The following IZUMO3 variants were observed in gnomAD, a reference collection of about 807,000 sequenced individuals.
The protein encoded by IZUMO3 is izumo sperm-egg fusion protein 3.
A neutral mutation model predicts 28.4 loss-of-function variants in IZUMO3; 36 were observed. That is an observed-to-expected ratio of 1.27 (90% CI 0.97 to 1.67). The LOEUF (loss-of-function observed/expected upper bound fraction) is 1.67, where lower values mean the gene tolerates loss of function less well. IZUMO3 is among the 40% of genes most tolerant of loss of function. The pLI, the probability that IZUMO3 is intolerant of heterozygous loss-of-function variation, is 0.00. For missense variants in IZUMO3, 387 were observed against 278.5 expected (o/e 1.39, Z -2.77); for synonymous variants, 126 against 99.2 (o/e 1.27, Z -1.61).
chr9:24,545,244 T>A lies in IZUMO3; in HGVS notation c.269A>T (p.Glu90Val). Reference protein sequence around the residue: ...VVKLRTWLKNEFYKLGNETWK... With the variant: ...VVKLRTWLKNVFYKLGNETWK... ...TGTTTCATTGCCCAGTTTATAAAAT[T>A]CATTCTTCAACCATGTTCTCAACTT... is the stretch of plus-strand genomic sequence containing the variant. The change falls in exon 2 of 7, where the codon GAA becomes GTA. Residue 90 changes from glutamate (E) to valine (V), a missense_variant. Physicochemically the swap from Glu to Val is moderately radical, Grantham distance 121. Transcript: ENST00000543880. 2 of 1,550,386 alleles carry A rather than the reference T, an allele frequency of 1.3e-6. No individual in the cohort carries two copies. Among genetic ancestry groups the A allele is most frequent in the Non-Finnish European group, 1.7e-6 (2 of 1,146,844 alleles).
chr9:24,545,765 T>C lies in IZUMO3; in HGVS notation c.-116A>G. On this transcript the variant is annotated 5_prime_UTR_variant, in exon 1 of 7. Transcript: ENST00000543880. ...CTGGTTCTGGATAGTCTGACTCCACTTTTCCCGCTGTTTCCATCCCACTAT... is the reference window on the plus strand; with the variant it reads ...CTGGTTCTGGATAGTCTGACTCCACCTTTCCCGCTGTTTCCATCCCACTAT... 1 of 1,533,654 alleles carries C rather than the reference T, an allele frequency of 6.5e-7. No individual in the cohort carries two copies. The highest frequency in any genetic ancestry group is 8.8e-7 in the Non-Finnish European group (1 of 1,140,442).
At position 24,545,424 on chromosome 9, in the gene IZUMO3, C is replaced by A. The variant is rs769472819; in HGVS notation, c.226G>T (p.Ala76Ser). 1.3e-6 allele frequency: 2 copies of A among 1,540,644 alleles called. No individual in the cohort carries two copies. Among genetic ancestry groups the A allele is most frequent in the Non-Finnish European group, 1.7e-6 (2 of 1,146,804 alleles). The part of the protein sequence containing the change: ...SHSDKRLRVL[A>S]VQQVVKLRTW... ...TCTCAGGAACTCAAGCTTCCCTCAC[C>A]CAACACCCGAAGCCTCTTGTCACTG... Residue 76 changes from alanine to serine, a missense_variant and splice_region_variant, in exon 1 of 7, where the codon GCT becomes TCT. Ala to Ser is a moderately conservative substitution (Grantham distance 99, BLOSUM62 1). Transcript: ENST00000543880.
At position 24,545,070 on chromosome 9, in the gene IZUMO3, G is replaced by C. The variant is rs1819558475; in HGVS notation, c.302-9C>G. 6.5e-7 allele frequency: 1 copy of C among 1,529,736 alleles called. No homozygotes were observed. Among genetic ancestry groups the C allele is most frequent in the Non-Finnish European group, 8.9e-7 (1 of 1,127,912 alleles). The allele number at this position is 1,529,736 out of a possible 1,614,324, so 94.8% of individuals were successfully genotyped here. On this transcript the variant is annotated splice_polypyrimidine_tract_variant and intron_variant, in intron 2 of 6. Transcript: ENST00000543880. ...TTGATAGATAAAGACACCTAAGAGG[G>C]AGTGGAAGGGGTGTCAAAAAATAGA...
intron 2 of IZUMO3, 30 bp downstream of exon 2, chr9:24,545,182 C>T (rs1430192705): frequency 2.6e-6 from 4 of 1,540,288 alleles, no homozygotes; most frequent in Non-Finnish European, 3.5e-6. Flanking sequence ...TTGAGCAATA[C>T]AAACTTTTAA....
intron 3 of IZUMO3, 27 bp downstream of exon 3, chr9:24,544,945 T>A (rs776625350): frequency 1.4e-6 from 2 of 1,467,362 alleles, no homozygotes; most frequent in Non-Finnish European, 1.9e-6. Flanking sequence ...ATAACTTCAG[T>A]GCTGTTATAT....
At chr9:24,545,402 C>G (rs1320343968) in intron 1 of IZUMO3, 22 bp downstream of exon 1, 10 of 1,543,894 alleles carry the variant, frequency 6.5e-6, no homozygotes, top group African/African-American at 1.4e-5. Flanking sequence ...CCTGGACTCT[C>G]AGGAACTCAA....
At position 24,545,300 on chromosome 9, in the gene IZUMO3, G is replaced by A; in HGVS notation, c.227-14C>T. On this transcript the variant is annotated splice_polypyrimidine_tract_variant and intron_variant, in intron 1 of 6. Transcript: ENST00000543880. ...CCTGCTGAACAGCTAGAGAGGGAGAGTAAAGGTACATGTAGGGGAATAATT... is the reference window on the plus strand; with the variant it reads ...CCTGCTGAACAGCTAGAGAGGGAGAATAAAGGTACATGTAGGGGAATAATT... The A allele has an allele frequency of 6.5e-7, 1 of 1,549,476 alleles. No individual in the cohort carries two copies. Among genetic ancestry groups the A allele is most frequent in the Non-Finnish European group, 8.7e-7 (1 of 1,146,078 alleles).
At chr9:24,544,117 A>C (rs541488203) in intron 5 of IZUMO3, 84 bp downstream of exon 5, 1 of 952,896 alleles carries the variant, frequency 1.0e-6, no homozygotes, top group East Asian at 2.6e-5. Context: ...TAGTGACCCA[A>C]CAAATACATG....
At chr9:24,544,024 CA>C (rs1482895797) in intron 5 of IZUMO3, among the ~76,000 whole-genome samples, 176 bp downstream of exon 5, 1 of 152,070 alleles carries the variant, frequency 6.6e-6, no homozygotes, top group Non-Finnish European at 1.5e-5. Context: ...GATTCAGTGC[CA>C]AATTATTTAT....
intron 4 of IZUMO3, 30 bp from the exon 5 acceptor site, chr9:24,544,311 A>T (rs1400761661): frequency 1.4e-6 from 2 of 1,477,068 alleles, no homozygotes; most frequent in East Asian, 4.9e-5. Context: ...AGATAATCAG[A>T]AAGAGGGCAT....
chr9:24,543,934 C>T (rs1465814071), intron 5 of IZUMO3, among the ~76,000 whole-genome samples, 180 bp from the exon 6 acceptor site: 2 of 152,116 alleles, frequency 1.3e-5, no homozygotes, highest in Non-Finnish European at 2.9e-5. Flanking sequence ...AAAACTGTTG[C>T]TGATAGCTGT....
At chr9:24,544,425 A>G in intron 4 of IZUMO3, 144 bp from the exon 5 acceptor site, 1 of 692,602 alleles carries the variant, frequency 1.4e-6, no homozygotes, top group South Asian at 1.8e-5. Context: ...TTCTCCTAGA[A>G]ATCAAGTTTC....
At chr9:24,543,615 G>A (rs1289360970) in intron 6 of IZUMO3, 49 bp downstream of exon 6, 1 of 1,348,806 alleles carries the variant, frequency 7.4e-7, no homozygotes, top group Non-Finnish European at 1.0e-6. Context: ...GCAGTCTCTT[G>A]GCAAAAGGAA....
At chr9:24,543,502 C>T in intron 6 of IZUMO3, 135 bp from the exon 7 acceptor site, 2 of 321,926 alleles carry the variant, frequency 6.2e-6, no homozygotes, top group Non-Finnish European at 8.4e-6. Flanking sequence ...CCTTTTGTTC[C>T]AACTATTATC....
In IZUMO3 at chr9:24,545,832, T is replaced by G. The variant is rs1221381487; in HGVS notation, c.-183A>C. On this transcript the variant is annotated 5_prime_UTR_variant, in exon 1 of 7. The change abolishes the stop of an existing upstream ORF in the 5' untranslated region. Transcript: ENST00000543880. Reference sequence around the variant, plus strand: ...GTTTAGTTTAATGATCTTTAGTTGTTTACTGACTATTATCCTTCATTCTAG... The same window carrying G: ...GTTTAGTTTAATGATCTTTAGTTGTGTACTGACTATTATCCTTCATTCTAG... 3 of 1,541,408 alleles carry G rather than the reference T, an allele frequency of 1.9e-6. No homozygotes were observed. Among genetic ancestry groups the G allele is most frequent in the Admixed American group, 4.0e-5 (2 of 50,456 alleles).
intron 5 of IZUMO3, among the ~76,000 whole-genome samples, 188 bp downstream of exon 5, chr9:24,544,013 T>C (rs903787613): frequency 1.1e-4 from 16 of 152,130 alleles, no homozygotes; most frequent in Admixed American, 6.6e-5. Context: ...GCCTTTCAGT[T>C]GATTCAGTGC....
At chr9:24,545,354 A>G (rs1454069032) in intron 1 of IZUMO3, 68 bp from the exon 2 acceptor site, 5 of 1,547,002 alleles carry the variant, frequency 3.2e-6, no homozygotes, top group Non-Finnish European at 4.4e-6. Context: ...ATGTAGACCC[A>G]GGTGTTCTCT....
chr9:24,545,097 G>A (rs900025884), intron 2 of IZUMO3, 36 bp from the exon 3 acceptor site: 2 of 1,481,118 alleles, frequency 1.4e-6, no homozygotes, highest in Admixed American at 3.9e-5. Context: ...AAAAATAGAA[G>A]TAGCTCTTCC....
chr9:24,543,188 T>C lies in IZUMO3; in HGVS notation c.*41A>G. ...CCAGTTTTGTACTTAGAGTCAACAC[T>C]TAAGAGAATCATGAAAGACTTCTTG... On this transcript the variant is annotated 3_prime_UTR_variant, in exon 7 of 7. Transcript: ENST00000543880. 2.7e-6 allele frequency: 4 copies of C among 1,504,006 alleles called. No homozygotes were observed. The highest frequency in any genetic ancestry group is 3.6e-6 in the Non-Finnish European group (4 of 1,121,092). The allele number at this position is 1,504,006 out of a possible 1,614,324, so 93.2% of individuals were successfully genotyped here.
Sources: gnomAD v4.1 joint callset for allele counts (sites outside exome capture counted in the v4.1 genomes callset) on GRCh38, gnomAD v4.1.1 for gene constraint, MANE v1.5 for transcripts, NCBI Gene and HGNC (gene_info 2026-07-23, HGNC 2026-07-21) for gene names.